Variants in LPIN1 observed in about 807,000 individuals in gnomAD.
LPIN1 encodes phosphatidate phosphatase LPIN1.
In LPIN1, 71 loss-of-function variants were observed where a neutral mutation model predicts 107.5. The ratio of observed to expected loss-of-function variants is 0.66; its 90% confidence interval spans 0.55 to 0.80. The LOEUF (loss-of-function observed/expected upper bound fraction) is 0.80, where lower values mean the gene tolerates loss of function less well. Among genes scored for constraint, LPIN1 ranks in the 30% least tolerant of loss-of-function variants. The pLI is 0.00. For synonymous variants in LPIN1, 445 were observed against 452.6 expected (o/e 0.98, Z 0.21); for missense variants, 1,043 against 1,160.6 (o/e 0.90, Z 1.47).
In LPIN1 at chr2:11,754,084, C is replaced by T. The variant is rs147515319; in HGVS notation, c.-10+7413C>T. Among the ~76,000 whole-genome samples the T allele has an allele frequency of 7.6e-3, 1,151 of 152,232 alleles. 14 individuals are homozygous for T. Among genetic ancestry groups the T allele is most frequent in the Non-Finnish European group, 0.01 (681 of 68,014 alleles). Reference sequence around the variant, plus strand: ...TCCCTGTCAAGCCCAGCTGGGGAGCCGACAGTGCCTTCCCTAGAGGAAGGG... The same window carrying T: ...TCCCTGTCAAGCCCAGCTGGGGAGCTGACAGTGCCTTCCCTAGAGGAAGGG... On this transcript the variant is annotated intron_variant, in intron 1 of 20. Transcript: ENST00000674199.
At chr2:11,781,987 C>T (rs1489486046) in intron 7 of LPIN1, among the ~76,000 whole-genome samples, 2 of 152,190 alleles carry the variant, frequency 1.3e-5, no homozygotes, top group African/African-American at 2.4e-5. Flanking sequence ...TTCTCTTTGG[C>T]AGTTGATGTT....
At chr2:11,731,586 A>G (rs1329316620) in intron 1 of LPIN1, among the ~76,000 whole-genome samples, 1 of 152,212 alleles carries the variant, frequency 6.6e-6, no homozygotes, top group Non-Finnish European at 1.5e-5. Context: ...TTGGGTATAT[A>G]CCCAGGAATG....
At chr2:11,808,870 C>CA (rs1205659703) in intron 17 of LPIN1, among the ~76,000 whole-genome samples, 2,451 of 73,902 alleles carry the variant, frequency 0.033, 72 homozygotes, top group African/African-American at 0.098. Flanking sequence ...GACACCATCT[C>CA]AAAAAAAAAA....
chr2:11,718,183 A>G (rs1663878654), intron 2 of LPIN1, among the ~76,000 whole-genome samples: 5 of 152,228 alleles, frequency 3.3e-5, no homozygotes, highest in Admixed American at 2.6e-4. Flanking sequence ...CAATAAGCAA[A>G]AGCTGGAGTA....
At chr2:11,708,794 C>T (rs1189751917) in intron 1 of LPIN1, among the ~76,000 whole-genome samples, 1 of 151,930 alleles carries the variant, frequency 6.6e-6, no homozygotes, top group African/African-American at 2.4e-5. Context: ...ATCCACCTCT[C>T]AATGGGAGGA....
Position 11,687,661 on chromosome 2 carries a change from A to G in LPIN1, c.81+9933A>G, listed in dbSNP as rs540346818. On this transcript the variant is annotated intron_variant, in intron 1 of 21. Coordinates refer to the LPIN1 transcript ENST00000449576. ...GTGGTTTTGACCAGGCCTGCAATAC[A>G]TTTGTAGCAATGACACCTTCCCCAT... 2.0e-5 allele frequency among the ~76,000 whole-genome samples: 3 copies of G among 152,336 alleles called. No individual in the cohort carries two copies. In the South Asian group the frequency reaches 6.2e-4, roughly 32 times the overall value.
chr2:11,720,724 G>A (rs1441161860), upstream of LPIN1, among the ~76,000 whole-genome samples: 3 of 152,034 alleles, frequency 2.0e-5, no homozygotes, highest in East Asian at 1.9e-4. Flanking sequence ...AGTGGCTGCC[G>A]ACATGTGGTC....
intron 2 of LPIN1, among the ~76,000 whole-genome samples, chr2:11,766,530 A>G (rs1340049416): frequency 1.3e-5 from 2 of 152,186 alleles, no homozygotes; most frequent in South Asian, 2.1e-4. Context: ...TACATATTTA[A>G]TAAGCCACAG....
chr2:11,690,428 A>G (rs1470058139), intron 1 of LPIN1, among the ~76,000 whole-genome samples: 3 of 152,156 alleles, frequency 2.0e-5, no homozygotes, highest in Non-Finnish European at 4.4e-5. Context: ...GTTTCACTGT[A>G]ATGTGTAGGT....
At chr2:11,813,855 A>T (rs968985756) in intron 17 of LPIN1, among the ~76,000 whole-genome samples, 1 of 152,154 alleles carries the variant, frequency 6.6e-6, no homozygotes, top group Non-Finnish European at 1.5e-5. Context: ...CAGAGGTTGC[A>T]GTGCGCCAAG....
At chr2:11,736,839 G>A (rs773597620) in intron 1 of LPIN1, among the ~76,000 whole-genome samples, 1 of 152,202 alleles carries the variant, frequency 6.6e-6, no homozygotes, top group Non-Finnish European at 1.5e-5. Flanking sequence ...GCTCTGCTGT[G>A]GCTGGTGTCT....
At chr2:11,701,374 T>C (rs1385937256) in intron 1 of LPIN1, among the ~76,000 whole-genome samples, 2 of 152,154 alleles carry the variant, frequency 1.3e-5, no homozygotes, top group African/African-American at 4.8e-5. Flanking sequence ...CTAGCACAGG[T>C]CATGACACCT....
intron 2 of LPIN1, among the ~76,000 whole-genome samples, chr2:11,715,893 T>G (rs1231384670): frequency 6.6e-6 from 1 of 152,092 alleles, no homozygotes; most frequent in Non-Finnish European, 1.5e-5. Flanking sequence ...GGTAATGGTA[T>G]ACAGGGGGCC....
intron 1 of LPIN1, among the ~76,000 whole-genome samples, chr2:11,761,771 T>A (rs1669874269): frequency 6.6e-6 from 1 of 152,172 alleles, no homozygotes; most frequent in Non-Finnish European, 1.5e-5. Context: ...TTTGTTTTTT[T>A]AACTTGAAAG....
intron 1 of LPIN1, among the ~76,000 whole-genome samples, chr2:11,755,247 A>G (rs994393400): frequency 6.6e-6 from 1 of 152,096 alleles, no homozygotes; most frequent in Non-Finnish European, 1.5e-5. Flanking sequence ...GATTACAGGC[A>G]TGAGCCACCG....
chr2:11,752,567 GACT>G (rs1157618232), intron 1 of LPIN1, among the ~76,000 whole-genome samples: 1 of 148,536 alleles, frequency 6.7e-6, no homozygotes, highest in Non-Finnish European at 1.5e-5. Context: ...AAGTAGCTGG[GACT>G]ACAGGCGCCC....
chr2:11,811,194 CAGTG>C, intron 17 of LPIN1, among the ~76,000 whole-genome samples: 1 of 152,286 alleles, frequency 6.6e-6, no homozygotes, highest in East Asian at 1.9e-4. Flanking sequence ...TAGGAGTGCT[CAGTG>C]AGTGAGTGTG....
At position 11,773,722 on chromosome 2, in the gene LPIN1, TAG is replaced by T; in HGVS notation, c.704_705del (p.Glu235ValfsTer7). On this transcript the variant is annotated frameshift_variant, in exon 5 of 21. Transcript: ENST00000674199. LOFTEE classifies it high-confidence loss of function. ...AGTCAGCCTCATACCCTAATTCGGA[TAG>T]AGAGTGGTCACCCACTCCCAGGTAA... ...PQSASYPNSD[R>X]EWSPTPSSLV... 6.2e-6 allele frequency: 10 copies of T among 1,614,064 alleles called. No homozygotes were observed. Among genetic ancestry groups the T allele is most frequent in the Non-Finnish European group, 8.5e-6 (10 of 1,179,958 alleles).
At chr2:11,740,033 G>C (rs1666180940) in intron 1 of LPIN1, among the ~76,000 whole-genome samples, 1 of 152,152 alleles carries the variant, frequency 6.6e-6, no homozygotes, top group South Asian at 2.1e-4. Context: ...TAGAGAACCA[G>C]GGAAGCTGGT....
Sources: allele counts gnomAD v4.1 joint callset (sites outside exome capture counted in the v4.1 genomes callset), GRCh38; gene constraint gnomAD v4.1.1; transcripts MANE v1.5; gene names NCBI Gene and HGNC (gene_info 2026-07-23, HGNC 2026-07-21).